The following MDGA2 variants were observed in gnomAD, a reference collection of about 807,000 sequenced individuals.
MDGA2 encodes the protein MAM domain-containing glycosylphosphatidylinositol anchor protein 2.
MDGA2 carries 40 observed loss-of-function variants against 117.8 expected under a neutral mutation model. The observed-to-expected ratio is 0.34, with a 90% CI of 0.26 to 0.44. The LOEUF is 0.44. Ranked by LOEUF, MDGA2 falls within the 20% of genes least tolerant of loss-of-function variation. The pLI, the probability that MDGA2 is intolerant of heterozygous loss-of-function variation, is 1.00. For synonymous variants in MDGA2, 452 were observed against 439.0 expected (o/e 1.03, Z -0.37); for missense variants, 1,123 against 1,250.6 (o/e 0.90, Z 1.54).
intron 1 of MDGA2, among the ~76,000 whole-genome samples, chr14:47,626,901 C>A (rs1191798018): frequency 1.3e-5 from 2 of 152,274 alleles, no homozygotes; most frequent in African/African-American, 2.4e-5. Context: ...GCGCACGGCG[C>A]TGGACTGGCA....
At chr14:47,295,725 G>A (rs1334631586) in intron 2 of MDGA2, among the ~76,000 whole-genome samples, 1 of 152,006 alleles carries the variant, frequency 6.6e-6, no homozygotes, top group Non-Finnish European at 1.5e-5. Context: ...CCTACATGGG[G>A]AAACTGGGTC....
chr14:47,621,313 A>C (rs1429204949), intron 1 of MDGA2, among the ~76,000 whole-genome samples: 1 of 152,092 alleles, frequency 6.6e-6, no homozygotes, highest in East Asian at 1.9e-4. Context: ...CATGCATGGG[A>C]GATTCTGCCC....
intron 10 of MDGA2, among the ~76,000 whole-genome samples, chr14:46,908,751 T>C (rs1480897784): frequency 6.6e-6 from 1 of 152,218 alleles, no homozygotes; most frequent in Non-Finnish European, 1.5e-5. Context: ...CCTTACCTCA[T>C]ATAGTTTTTA....
At chr14:47,093,848 C>T (rs959896749) in intron 6 of MDGA2, among the ~76,000 whole-genome samples, 4 of 152,020 alleles carry the variant, frequency 2.6e-5, no homozygotes, top group Admixed American at 2.0e-4. Flanking sequence ...GATGGGAATT[C>T]GATGCACAAA....
intron 1 of MDGA2, among the ~76,000 whole-genome samples, chr14:47,550,130 T>C: frequency 1.3e-5 from 2 of 152,294 alleles, no homozygotes; most frequent in Admixed American, 1.3e-4. Context: ...AAAGAACTCA[T>C]AACTAAATCA....
intron 10 of MDGA2, among the ~76,000 whole-genome samples, chr14:46,910,561 C>G (rs186129103): frequency 6.6e-6 from 1 of 152,240 alleles, no homozygotes; most frequent in East Asian, 1.9e-4. Flanking sequence ...GCATTCCCCT[C>G]GAAACCAGCA....
intron 8 of MDGA2, among the ~76,000 whole-genome samples, chr14:47,030,237 G>T (rs185694573): frequency 2.6e-5 from 4 of 152,110 alleles, no homozygotes; most frequent in Admixed American, 2.0e-4. Context: ...AGTTGTTCAG[G>T]CGCAGTGACT....
chr14:47,434,446 T>C (rs1892858827), intron 1 of MDGA2, among the ~76,000 whole-genome samples: 1 of 152,106 alleles, frequency 6.6e-6, no homozygotes, highest in Non-Finnish European at 1.5e-5. Flanking sequence ...CATAGCTTAT[T>C]GAGTGACTTT....
At chr14:47,615,474 T>C (rs1896931756) in intron 1 of MDGA2, among the ~76,000 whole-genome samples, 1 of 152,186 alleles carries the variant, frequency 6.6e-6, no homozygotes, top group Non-Finnish European at 1.5e-5. Flanking sequence ...TTTCACAGTA[T>C]AGTAGCCTGG....
At chr14:47,292,717 T>G (rs1055539585) in intron 2 of MDGA2, among the ~76,000 whole-genome samples, 2 of 152,196 alleles carry the variant, frequency 1.3e-5, no homozygotes, top group Non-Finnish European at 2.9e-5. Context: ...GTTGGCTCCA[T>G]GAAGTAGTTT....
chr14:47,274,561 G>A lies in MDGA2; in HGVS notation c.420+26850C>T, dbSNP rs368791502. ...CATTTATGTGTACAAGTTTTTGTGCGAAGGTATGTTTTTATTTCTCAAGTG... is the reference window on the plus strand; with the variant it reads ...CATTTATGTGTACAAGTTTTTGTGCAAAGGTATGTTTTTATTTCTCAAGTG... On this transcript the variant is annotated intron_variant, in intron 2 of 16. Transcript: ENST00000399232. Among the ~76,000 whole-genome samples the A allele has an allele frequency of 3.1e-4, 47 of 152,176 alleles. 1 individual carries two copies. Among genetic ancestry groups the A allele is most frequent in the Admixed American group, 1.6e-3 (25 of 15,276 alleles).
At chr14:47,624,286 C>G (rs1264597491) in intron 1 of MDGA2, among the ~76,000 whole-genome samples, 1 of 152,034 alleles carries the variant, frequency 6.6e-6, no homozygotes, top group East Asian at 1.9e-4. Context: ...AGTGAAATCC[C>G]GTCTCTACTC....
chr14:46,854,663 CAG>C (rs532641854), intron 15 of MDGA2, among the ~76,000 whole-genome samples: 83 of 151,682 alleles, frequency 5.5e-4, no homozygotes, highest in African/African-American at 1.9e-3. Flanking sequence ...AAAATTCAAA[CAG>C]ATTGAGAATT....
At chr14:47,019,762 T>C (rs751014746) in intron 8 of MDGA2, among the ~76,000 whole-genome samples, 25 of 148,182 alleles carry the variant, frequency 1.7e-4, no homozygotes, top group Non-Finnish European at 3.3e-4. Flanking sequence ...GAGAATGACG[T>C]GAACCCGGGA....
chr14:47,549,363 C>CTCTCTT (rs1039463316), intron 1 of MDGA2, among the ~76,000 whole-genome samples: 4 of 151,874 alleles, frequency 2.6e-5, no homozygotes, highest in African/African-American at 9.7e-5. Flanking sequence ...CTCTCTCTCT[C>CTCTCTT]TCTCTCTCTG....
intron 8 of MDGA2, among the ~76,000 whole-genome samples, chr14:46,971,043 A>AAG (rs1256316002): frequency 6.6e-6 from 1 of 152,012 alleles, no homozygotes; most frequent in East Asian, 1.9e-4. Context: ...CAAAAAACAA[A>AAG]ACAAAACAAA....
intron 8 of MDGA2, among the ~76,000 whole-genome samples, chr14:47,028,064 AT>A (rs1206210302): frequency 6.6e-6 from 1 of 152,156 alleles, no homozygotes; most frequent in Admixed American, 6.5e-5. Context: ...ATGATGGAAT[AT>A]GTAAAATAGA....
intron 1 of MDGA2, among the ~76,000 whole-genome samples, chr14:47,643,436 A>G (rs1470169516): frequency 6.6e-6 from 1 of 152,080 alleles, no homozygotes; most frequent in Non-Finnish European, 1.5e-5. Flanking sequence ...CAGATTTGCT[A>G]TATGGAAATT....
intron 1 of MDGA2, among the ~76,000 whole-genome samples, chr14:47,635,943 T>C (rs183669050): frequency 9.8e-4 from 149 of 152,316 alleles, no homozygotes; most frequent in African/African-American, 3.4e-3. Flanking sequence ...GAGAGAACGA[T>C]GGTGAGACAA....
Sources: allele counts gnomAD v4.1 joint callset (sites outside exome capture counted in the v4.1 genomes callset), GRCh38; gene constraint gnomAD v4.1.1; transcripts MANE v1.5; gene names NCBI Gene and HGNC (gene_info 2026-07-23, HGNC 2026-07-21).